PPIL4: variants seen among roughly 807,000 people sequenced by gnomAD.
PPIL4 encodes peptidyl-prolyl cis-trans isomerase-like 4.
PPIL4 carries 50 observed loss-of-function variants against 69.1 expected under a neutral mutation model. The ratio of observed to expected loss-of-function variants is 0.72; its 90% CI spans 0.58 to 0.92. PPIL4 has a LOEUF of 0.92. Among genes scored for constraint, PPIL4 ranks in the 40% least tolerant of loss-of-function variants. PPIL4 has a pLI of 0.00. For missense variants in PPIL4, 480 were observed against 587.9 expected (o/e 0.82, Z 1.90); for synonymous variants, 193 against 191.6 (o/e 1.01, Z -0.06).
intron 12 of PPIL4, among the ~76,000 whole-genome samples, chr6:149,509,542 C>T (rs967490936): frequency 2.0e-5 from 3 of 152,110 alleles, no homozygotes; most frequent in African/African-American, 7.2e-5. Context: ...GTGATACAGC[C>T]ACCAGTAAAG....
rs1777251178 is a variant in PPIL4 at position 149,534,861 on chromosome 6, G to A, written c.465-87C>T. ...TTTAATAGATTACAAAAAATTACTTGATTATCTCTAAGGCCAAAAAAAACC... is the reference window on the plus strand; with the variant it reads ...TTTAATAGATTACAAAAAATTACTTAATTATCTCTAAGGCCAAAAAAAACC... On this transcript the variant is annotated intron_variant, in intron 5 of 12. Transcript: ENST00000253329. 7.6e-6 allele frequency: 6 copies of A among 789,868 alleles called. No individual in the cohort carries two copies. In the East Asian group the frequency reaches 1.7e-4, roughly 22 times the overall value. The allele number at this position is 789,868 out of a possible 1,614,324, so 48.9% of individuals were successfully genotyped here. A position where few individuals can be genotyped will look rare whatever the true frequency, so the allele number is the denominator to read the frequency against.
chr6:149,526,846 C>T, intron 7 of PPIL4, 70 bp from the exon 8 acceptor site: 1 of 1,424,174 alleles, frequency 7.0e-7, no homozygotes, highest in Non-Finnish European at 9.8e-7. Context: ...TATCCAATCC[C>T]ACAATGCTGA....
At chr6:149,520,573 ATG>A (rs200587769) in intron 10 of PPIL4, among the ~76,000 whole-genome samples, 4,120 of 138,640 alleles carry the variant, frequency 0.03, 161 homozygotes, top group African/African-American at 0.11. Context: ...GCACACATGC[ATG>A]TGTGTGCACA....
intron 5 of PPIL4, among the ~76,000 whole-genome samples, 156 bp downstream of exon 5, chr6:149,535,440 A>G (rs528237054): frequency 1.3e-5 from 2 of 152,368 alleles, no homozygotes; most frequent in Admixed American, 6.5e-5. Flanking sequence ...CCTTTTTATT[A>G]TAAAGATTCT....
At chr6:149,511,192 T>C (rs1453267834) in intron 12 of PPIL4, among the ~76,000 whole-genome samples, 1 of 151,936 alleles carries the variant, frequency 6.6e-6, no homozygotes, top group African/African-American at 2.4e-5. Context: ...CATAAATGTT[T>C]CTATGTGGTA....
At chr6:149,528,264 A>C (rs564014040) in intron 7 of PPIL4, among the ~76,000 whole-genome samples, 1 of 152,314 alleles carries the variant, frequency 6.6e-6, no homozygotes, top group African/African-American at 2.4e-5. Context: ...AACAAAAAAG[A>C]GTGTCAAAAC....
intron 8 of PPIL4, among the ~76,000 whole-genome samples, chr6:149,525,426 A>G (rs925687969): frequency 1.3e-5 from 2 of 152,328 alleles, no homozygotes; most frequent in Admixed American, 6.5e-5. Context: ...AGTGCCTTAT[A>G]TAGGCCTACA....
chr6:149,526,659 T>C lies in PPIL4; in HGVS notation c.796A>G (p.Ile266Val), dbSNP rs777685496. The C allele has an allele frequency of 6.2e-6, 10 of 1,608,880 alleles. 1 individual carries two copies. Among genetic ancestry groups the C allele is most frequent in the East Asian group, 2.2e-5 (1 of 44,720 alleles). Reference sequence around the variant, plus strand: ...ACTAATTCTAAGGATTACCTTCTTATTGGCCCAAATCTAGAGAATATTATT... The same window carrying C: ...ACTAATTCTAAGGATTACCTTCTTACTGGCCCAAATCTAGAGAATATTATT... ...LEIIFSRFGP[I>V]RSCEVIRDWK... The change falls in exon 8 of 13, where the codon ATA (isoleucine) becomes GTA (valine). Residue 266 changes from isoleucine (I) to valine (V), a missense_variant. Ile to Val is a conservative substitution (Grantham distance 29, BLOSUM62 3). Coordinates refer to ENST00000253329, the MANE Select transcript of PPIL4 (RefSeq NM_139126.4).
Position 149,504,910 on chromosome 6 carries a change from G to T in PPIL4, c.*543C>A, listed in dbSNP as rs1776744638. The T allele has an allele frequency of 6.6e-6, 1 of 151,330 alleles. No individual in the cohort carries two copies. Among genetic ancestry groups the T allele is most frequent in the Non-Finnish European group, 1.5e-5 (1 of 68,084 alleles). The allele number at this position is 151,330 out of a possible 1,614,324, so 9.4% of individuals were successfully genotyped here. On this transcript the variant is annotated 3_prime_UTR_variant, in exon 13 of 13. Transcript: ENST00000253329. The stretch of plus-strand genomic sequence containing the variant: ...ATACTATATAGCAATAAAAATGAAA[G>T]AAAGTCACAGAAGTAAACATTTTGC...
chr6:149,514,173 G>A (rs976444038), intron 11 of PPIL4, among the ~76,000 whole-genome samples: 13 of 152,156 alleles, frequency 8.5e-5, no homozygotes, highest in Admixed American at 1.3e-4. Flanking sequence ...CGTACCATTC[G>A]GTTATGACTC....
At chr6:149,512,037 A>G (rs1776851986) in intron 12 of PPIL4, 118 bp downstream of exon 12, 3 of 748,580 alleles carry the variant, frequency 4.0e-6, no homozygotes, top group Non-Finnish European at 6.1e-6. Flanking sequence ...GCTTCTTAGG[A>G]ACAAACCCAT....
At position 149,505,237 on chromosome 6, in the gene PPIL4, T is replaced by C. The variant is rs976184920; in HGVS notation, c.*216A>G. 6.7e-6 allele frequency: 3 copies of C among 447,290 alleles called. No individual in the cohort carries two copies. The Admixed American group carries it at 1.2e-4, about 18-fold the overall frequency. 27.7% of individuals were successfully genotyped at this position (447,290 alleles called of 1,614,324 possible). A position where few individuals can be genotyped will look rare whatever the true frequency, so the allele number is the denominator to read the frequency against. ...CTTCAAAAATGAAGACTACCATTTA[T>C]GTATAACAATAAAATTAGTGTAAAA... On this transcript the variant is annotated 3_prime_UTR_variant, in exon 13 of 13. Transcript: ENST00000253329.
chr6:149,520,839 C>T (rs1241253534), intron 10 of PPIL4, among the ~76,000 whole-genome samples: 4 of 151,946 alleles, frequency 2.6e-5, no homozygotes, highest in African/African-American at 9.7e-5. Flanking sequence ...GTGGTGAAAC[C>T]CCATCTCTAC....
intron 11 of PPIL4, among the ~76,000 whole-genome samples, chr6:149,512,559 T>C (rs1776869305): frequency 6.6e-6 from 1 of 152,152 alleles, no homozygotes; most frequent in South Asian, 2.1e-4. Flanking sequence ...AAAATAAACG[T>C]ATTTGTCAAT....
chr6:149,521,188 A>G lies in PPIL4; in HGVS notation c.871-17T>C. 7.4e-7 allele frequency: 1 copy of G among 1,352,086 alleles called. No individual in the cohort carries two copies. Among genetic ancestry groups the G allele is most frequent in the Non-Finnish European group, 1.0e-6 (1 of 954,902 alleles). 83.8% of individuals were successfully genotyped at this position (1,352,086 alleles called of 1,614,324 possible). A position where few individuals can be genotyped will look rare whatever the true frequency, so the allele number is the denominator to read the frequency against. ...ATCTTCTTCCTGATAATAATTATAAAAACTCAAGCATAAATCTTTATGGAA... is the reference window on the plus strand; with the variant it reads ...ATCTTCTTCCTGATAATAATTATAAGAACTCAAGCATAAATCTTTATGGAA... On this transcript the variant is annotated splice_polypyrimidine_tract_variant and intron_variant, in intron 9 of 12. Coordinates refer to ENST00000253329, the MANE Select transcript of PPIL4 (RefSeq NM_139126.4).
At chr6:149,523,447 T>C (rs1430453112) in intron 9 of PPIL4, among the ~76,000 whole-genome samples, 1 of 152,108 alleles carries the variant, frequency 6.6e-6, no homozygotes, top group East Asian at 1.9e-4. Flanking sequence ...TTCCAGCACT[T>C]TGGGAGGCCA....
At chr6:149,530,459 G>C (rs1372642607) in intron 7 of PPIL4, among the ~76,000 whole-genome samples, 1 of 151,938 alleles carries the variant, frequency 6.6e-6, no homozygotes, top group East Asian at 1.9e-4. Context: ...AGGAGTTTGA[G>C]ACAAGCCTGA....
At chr6:149,521,254 G>T (rs1444551793) in intron 9 of PPIL4, 83 bp from the exon 10 acceptor site, 5 of 844,862 alleles carry the variant, frequency 5.9e-6, no homozygotes, top group Non-Finnish European at 9.7e-6. Context: ...CAAAAAGTTT[G>T]TTGTTACAAA....
chr6:149,505,923 C>G (rs535661749), intron 12 of PPIL4, among the ~76,000 whole-genome samples: 1 of 152,230 alleles, frequency 6.6e-6, no homozygotes, highest in African/African-American at 2.4e-5. Flanking sequence ...ACTATTTTGG[C>G]TGAAACGAAG....
Sources: allele counts gnomAD v4.1 joint callset (sites outside exome capture counted in the v4.1 genomes callset), GRCh38; gene constraint gnomAD v4.1.1; transcripts MANE v1.5; gene names NCBI Gene and HGNC (gene_info 2026-07-23, HGNC 2026-07-21).